SFMBT1: variants seen among roughly 807,000 people sequenced by gnomAD.
SFMBT1 encodes the protein scm-like with four MBT domains protein 1.
SFMBT1 carries 32 observed loss-of-function variants against 108.7 expected under a neutral mutation model. The ratio of observed to expected loss-of-function variants is 0.29; its 90% CI spans 0.22 to 0.40. The LOEUF (loss-of-function observed/expected upper bound fraction) is 0.40, where lower values mean the gene tolerates loss of function less well. Among genes scored for constraint, SFMBT1 ranks in the 10% least tolerant of loss-of-function variants. The pLI is 1.00. For missense variants in SFMBT1, 816 were observed against 1,059.6 expected, an observed-to-expected ratio of 0.77 and a Z score of 3.19; for synonymous variants, 348 against 369.5, an observed-to-expected ratio of 0.94 and a Z score of 0.67.
intron 1 of SFMBT1, among the ~76,000 whole-genome samples, chr3:52,989,735 A>G (rs1376249139): frequency 6.6e-6 from 1 of 151,958 alleles, no homozygotes. Context: ...CAGAGGGTGC[A>G]GTAAGCCAAG....
At position 53,032,662 on chromosome 3, in the gene SFMBT1, A is replaced by AT. The variant is rs779633067; in HGVS notation, c.-131+13153dup. On this transcript the variant is annotated intron_variant, in intron 1 of 20. Coordinates refer to ENST00000394752, the MANE Select transcript of SFMBT1 (RefSeq NM_016329.4). ...ATATGTTGCAGTATTGCTTCCATGC[A>AT]TTCATTCAGCTATAATTTATTTAGT... Among the ~76,000 whole-genome samples, 26 of 152,238 alleles carry AT rather than the reference A, an allele frequency of 1.7e-4. No homozygotes were observed. The East Asian group carries it at 2.3e-3, about 14-fold the overall frequency.
At chr3:53,006,628 C>CAAAAA (rs145854514) in intron 1 of SFMBT1, among the ~76,000 whole-genome samples, 3 of 126,316 alleles carry the variant, frequency 2.4e-5, no homozygotes, top group African/African-American at 1.0e-4. Flanking sequence ...AACTCCGTCT[C>CAAAAA]AAAAAAAAAA....
chr3:52,906,325 T>C (rs994372243), intron 19 of SFMBT1, 84 bp from the exon 20 acceptor site: 2 of 1,598,956 alleles, frequency 1.3e-6, no homozygotes, highest in Non-Finnish European at 8.6e-7. Context: ...ATTCATAATC[T>C]TTCAAGACAT....
chr3:52,935,206 A>T (rs1702970804), intron 4 of SFMBT1, among the ~76,000 whole-genome samples: 1 of 152,252 alleles, frequency 6.6e-6, no homozygotes, highest in African/African-American at 2.4e-5. Flanking sequence ...TTTCAAACAT[A>T]CAAAAAGAAA....
At chr3:52,931,505 A>G (rs1010807628) in intron 6 of SFMBT1, among the ~76,000 whole-genome samples, 1 of 152,082 alleles carries the variant, frequency 6.6e-6, no homozygotes, top group African/African-American at 2.4e-5. Context: ...GAGGTATATC[A>G]ATATGTGTGG....
intron 10 of SFMBT1, among the ~76,000 whole-genome samples, chr3:52,923,114 C>T (rs1227535463): frequency 6.6e-6 from 1 of 152,102 alleles, no homozygotes; most frequent in African/African-American, 2.4e-5. Flanking sequence ...CCAAGAATTA[C>T]CAGACACCTA....
intron 1 of SFMBT1, among the ~76,000 whole-genome samples, chr3:53,025,304 T>C (rs1699449339): frequency 6.6e-6 from 1 of 152,230 alleles, no homozygotes; most frequent in South Asian, 2.1e-4. Flanking sequence ...CTGGTCATTC[T>C]TCAAGCATCA....
intron 14 of SFMBT1, 25 bp from the exon 15 acceptor site, chr3:52,913,642 T>G: frequency 1.2e-6 from 2 of 1,611,314 alleles, no homozygotes; most frequent in Non-Finnish European, 1.7e-6. Context: ...AAAACAAATA[T>G]TCAAAACAGT....
At chr3:52,908,927 G>A (rs933317652) in intron 17 of SFMBT1, among the ~76,000 whole-genome samples, 1 of 152,148 alleles carries the variant, frequency 6.6e-6, no homozygotes, top group South Asian at 2.1e-4. Context: ...TAAAAAAAGA[G>A]AGAGACTAAG....
chr3:52,989,524 G>T (rs1705047752), intron 1 of SFMBT1, among the ~76,000 whole-genome samples: 1 of 151,858 alleles, frequency 6.6e-6, no homozygotes, highest in East Asian at 1.9e-4. Context: ...AATAAGGCCA[G>T]GTGTGGTGGC....
chr3:52,943,402 G>A lies in SFMBT1; in HGVS notation c.315C>T (p.Tyr105=). 6 of 1,614,194 alleles carry A rather than the reference G, an allele frequency of 3.7e-6. No homozygotes were observed. The highest frequency in any genetic ancestry group is 5.1e-6 in the Non-Finnish European group (6 of 1,180,034). ...TATTCTGCTCACACCACCCAATGGG[G>A]TAGAGATCAGCCTTCCTGATGTCAC... The part of the protein sequence containing the change: ...FWCDIRKADL[Y]PIGWCEQNKK... The change falls in exon 4 of 21, where the codon TAC becomes TAT. Residue 105 remains tyrosine (Y), a synonymous_variant. Coordinates refer to ENST00000394752, the MANE Select transcript of SFMBT1 (RefSeq NM_016329.4).
At position 52,906,103 on chromosome 3, in the gene SFMBT1, C is replaced by A. The variant is rs1426457962; in HGVS notation, c.2460+10G>T. The A allele has an allele frequency of 1.9e-6, 3 of 1,613,570 alleles. No individual in the cohort carries two copies. Among genetic ancestry groups the A allele is most frequent in the Non-Finnish European group, 2.5e-6 (3 of 1,179,608 alleles). ...AGACATTACTAAAAATTATAGGTAT[C>A]TGTGATTACCTGGTCTAGGAATATT... On this transcript the variant is annotated intron_variant, in intron 20 of 20. Coordinates refer to ENST00000394752, the MANE Select transcript of SFMBT1 (RefSeq NM_016329.4).
chr3:52,932,388 A>C, intron 5 of SFMBT1, 80 bp from the exon 6 acceptor site: 1 of 1,423,124 alleles, frequency 7.0e-7, no homozygotes, highest in Non-Finnish European at 9.4e-7. Context: ...AAATGATCTC[A>C]AACCAGCCTT....
intron 1 of SFMBT1, among the ~76,000 whole-genome samples, chr3:52,987,495 C>T (rs1240750045): frequency 1.3e-5 from 2 of 152,110 alleles, no homozygotes; most frequent in African/African-American, 4.8e-5. Context: ...ATATACAGGC[C>T]ACCATTGACT....
At position 52,903,758 on chromosome 3, in the gene SFMBT1, A is replaced by C. The variant is rs1134546; in HGVS notation, c.*1378T>G. 1.3e-5 allele frequency: 2 copies of C among 152,138 alleles called. No homozygotes were observed. Among genetic ancestry groups the C allele is most frequent in the Non-Finnish European group, 2.9e-5 (2 of 68,008 alleles). The allele number at this position is 152,138 out of a possible 1,614,324, so 9.4% of individuals were successfully genotyped here. The stretch of plus-strand genomic sequence containing the variant: ...CTATGTATGTTTTTCCTCACTCCTC[A>C]TGACTAGAATAGTGCAGCAAACGCT... On this transcript the variant is annotated 3_prime_UTR_variant, in exon 21 of 21. Transcript: ENST00000394752.
intron 8 of SFMBT1, 112 bp from the exon 9 acceptor site, chr3:52,928,453 T>C: frequency 9.6e-7 from 1 of 1,046,564 alleles, no homozygotes; most frequent in Non-Finnish European, 1.4e-6. Flanking sequence ...GTATTAATAA[T>C]ACTAAACACT....
At chr3:53,035,737 C>T (rs966814412) in intron 1 of SFMBT1, among the ~76,000 whole-genome samples, 1 of 152,198 alleles carries the variant, frequency 6.6e-6, no homozygotes, top group Admixed American at 6.5e-5. Flanking sequence ...GCTGGGATTA[C>T]AGGCACATGT....
chr3:52,956,480 G>T (rs1233936925), intron 2 of SFMBT1, among the ~76,000 whole-genome samples: 1 of 151,696 alleles, frequency 6.6e-6, no homozygotes, highest in African/African-American at 2.4e-5. Context: ...AATACAATAG[G>T]CTGGGTGCAG....
chr3:52,933,189 C>T (rs2106798695), intron 5 of SFMBT1, among the ~76,000 whole-genome samples: 1 of 152,284 alleles, frequency 6.6e-6, no homozygotes, highest in South Asian at 2.1e-4. Flanking sequence ...TCTATAATAG[C>T]ACATATAACT....
Sources: gnomAD v4.1 joint callset for allele counts (sites outside exome capture counted in the v4.1 genomes callset) on GRCh38, gnomAD v4.1.1 for gene constraint, MANE v1.5 for transcripts, NCBI Gene and HGNC (gene_info 2026-07-23, HGNC 2026-07-21) for gene names.